The following CSMD1 variants were observed in gnomAD, a reference collection of about 807,000 sequenced individuals.
The protein encoded by CSMD1 is CUB and Sushi multiple domains 1.
In CSMD1, 213 loss-of-function variants were observed where a neutral mutation model predicts 417.5. The observed-to-expected ratio is 0.51, with a 90% CI of 0.46 to 0.57. The LOEUF is 0.57. Ranked by LOEUF, CSMD1 falls within the 20% of genes least tolerant of loss-of-function variation. The pLI is 0.00. For missense variants in CSMD1, 6,923 were observed against 4,529.7 expected, an observed-to-expected ratio of 1.53 and a Z score of -15.17; for synonymous variants, 2,862 against 1,736.8, an observed-to-expected ratio of 1.65 and a Z score of -16.11.
At chr8:3,867,262 C>T (rs922378159) in intron 5 of CSMD1, among the ~76,000 whole-genome samples, 5 of 152,050 alleles carry the variant, frequency 3.3e-5, no homozygotes, top group African/African-American at 1.2e-4. Context: ...AGAAGCAAGA[C>T]CATACCATTA....
intron 1 of CSMD1, among the ~76,000 whole-genome samples, chr8:4,984,043 G>T (rs963733307): frequency 6.6e-6 from 1 of 152,200 alleles, no homozygotes; most frequent in African/African-American, 2.4e-5. Context: ...TTGAAAGTCA[G>T]TTTGGGAGAG....
chr8:2,968,760 A>C (rs185876757), intron 57 of CSMD1, among the ~76,000 whole-genome samples: 5 of 152,178 alleles, frequency 3.3e-5, no homozygotes, highest in African/African-American at 1.2e-4. Context: ...AGAACAATAA[A>C]TTAGAAGAGG....
intron 3 of CSMD1, among the ~76,000 whole-genome samples, chr8:4,223,449 C>G (rs1278835072): frequency 6.6e-6 from 1 of 152,216 alleles, no homozygotes; most frequent in Non-Finnish European, 1.5e-5. Context: ...AGGCTGACTG[C>G]TGGCCCAGAC....
intron 1 of CSMD1, among the ~76,000 whole-genome samples, chr8:4,875,708 A>C (rs1803002311): frequency 6.6e-6 from 1 of 152,182 alleles, no homozygotes. Context: ...CTGAGAAACC[A>C]AGATAAATAC....
intron 7 of CSMD1, among the ~76,000 whole-genome samples, chr8:3,674,276 A>G (rs1799251359): frequency 6.6e-6 from 1 of 152,162 alleles, no homozygotes; most frequent in South Asian, 2.1e-4. Context: ...ATGTTGCTTT[A>G]TTGCAAATTA....
At position 3,387,667 on chromosome 8, in the gene CSMD1, G is replaced by C; in HGVS notation, c.2609C>G (p.Ser870Trp). The part of the protein sequence containing the change: ...LIHYESVTLE[S>W]DSCLDPGIPV... Reference sequence around the variant, plus strand: ...GATGCCCGGGTCCAGGCAGGAATCCGACTCAAGCGTCACACCTGGATGCAC... The same window carrying C: ...GATGCCCGGGTCCAGGCAGGAATCCCACTCAAGCGTCACACCTGGATGCAC... The change falls in exon 18 of 70, where the codon TCG becomes TGG. Residue 870 changes from serine (S) to tryptophan (W), a missense_variant. Transcript: ENST00000635120. 1 of 1,596,330 alleles carries C rather than the reference G, an allele frequency of 6.3e-7. No homozygotes were observed. The highest frequency in any genetic ancestry group is 8.5e-7 in the Non-Finnish European group (1 of 1,171,190).
intron 1 of CSMD1, among the ~76,000 whole-genome samples, chr8:4,689,456 G>C (rs1228022019): frequency 6.6e-6 from 1 of 152,168 alleles, no homozygotes; most frequent in Admixed American, 6.5e-5. Flanking sequence ...ATTTATATTA[G>C]AAGGATTTGT....
chr8:4,134,399 G>C (rs969723175), intron 3 of CSMD1, among the ~76,000 whole-genome samples: 1 of 152,154 alleles, frequency 6.6e-6, no homozygotes, highest in South Asian at 2.1e-4. Flanking sequence ...AAGGCACAAA[G>C]GGATGACCTT....
At chr8:4,063,262 G>C (rs1799074317) in intron 3 of CSMD1, among the ~76,000 whole-genome samples, 1 of 143,534 alleles carries the variant, frequency 7.0e-6, no homozygotes. Context: ...AATATGTACA[G>C]TTATTACATA....
chr8:4,226,786 C>G (rs143233979), intron 3 of CSMD1, among the ~76,000 whole-genome samples: 2 of 152,114 alleles, frequency 1.3e-5, no homozygotes, highest in Admixed American at 1.3e-4. Flanking sequence ...AAAACAAAAA[C>G]TCTGCCCCAT....
At chr8:3,724,562 C>A (rs1015870396) in intron 6 of CSMD1, among the ~76,000 whole-genome samples, 1 of 151,970 alleles carries the variant, frequency 6.6e-6, no homozygotes, top group Non-Finnish European at 1.5e-5. Context: ...ATCTGAGCAC[C>A]CTTCCTCTGG....
intron 7 of CSMD1, among the ~76,000 whole-genome samples, chr8:3,675,891 T>C (rs1181859573): frequency 6.6e-6 from 1 of 152,232 alleles, no homozygotes; most frequent in Non-Finnish European, 1.5e-5. Context: ...GATTCTGTCT[T>C]GCTGAAGTTC....
chr8:4,701,283 C>T lies in CSMD1; in HGVS notation c.86-63725G>A, dbSNP rs527718099. On this transcript the variant is annotated intron_variant, in intron 1 of 69. Transcript: ENST00000635120. ...GCAAATACCAATGATAAGTCAACTTCGAAGGCTGCTTTTGAGCCATCCTTC... is the reference window on the plus strand; with the variant it reads ...GCAAATACCAATGATAAGTCAACTTTGAAGGCTGCTTTTGAGCCATCCTTC... Among the ~76,000 whole-genome samples the T allele has an allele frequency of 2.1e-3, 319 of 150,800 alleles. 3 individuals carry two copies. Among genetic ancestry groups the T allele is most frequent in the South Asian group, 4.0e-3 (19 of 4,740 alleles).
At position 4,393,957 on chromosome 8, in the gene CSMD1, C is replaced by T. The variant is rs546613012; in HGVS notation, c.415+25996G>A. Among the ~76,000 whole-genome samples, 61 of 152,258 alleles carry T rather than the reference C, an allele frequency of 4.0e-4. No homozygotes were observed. In the South Asian group the frequency reaches 6.4e-3, roughly 16 times the overall value. On this transcript the variant is annotated intron_variant, in intron 3 of 69. Transcript: ENST00000635120. ...ATATTGCCTGTGTTTCAGGTATTAA[C>T]GCAGAATATGCCATTTGCCAATTTG... is the stretch of plus-strand genomic sequence containing the variant.
intron 21 of CSMD1, among the ~76,000 whole-genome samples, chr8:3,351,111 C>T (rs1808392343): frequency 6.6e-6 from 1 of 152,126 alleles, no homozygotes; most frequent in African/African-American, 2.4e-5. Context: ...TCTCTCATAA[C>T]CTGAGATGCA....
At chr8:3,498,764 G>C (rs1031151675) in intron 10 of CSMD1, among the ~76,000 whole-genome samples, 3 of 151,818 alleles carry the variant, frequency 2.0e-5, no homozygotes, top group East Asian at 1.9e-4. Flanking sequence ...TTTTCATCTT[G>C]ATCTAGTCTG....
In CSMD1 at chr8:4,269,294, T is replaced by C. The variant is rs573040098; in HGVS notation, c.415+150659A>G. On this transcript the variant is annotated intron_variant, in intron 3 of 69. Transcript: ENST00000635120. ...CTGGTCTTGAACCTCCAACTCTTGATCTCAGGTGATCCACCCGCACTGGCC... is the reference window on the plus strand; with the variant it reads ...CTGGTCTTGAACCTCCAACTCTTGACCTCAGGTGATCCACCCGCACTGGCC... Among the ~76,000 whole-genome samples the C allele has an allele frequency of 6.6e-4, 101 of 152,186 alleles. No homozygotes were observed. In the Middle Eastern group the frequency reaches 0.02, roughly 31 times the overall value.
intron 1 of CSMD1, among the ~76,000 whole-genome samples, chr8:4,900,618 T>C (rs1804804831): frequency 6.6e-6 from 1 of 152,194 alleles, no homozygotes; most frequent in Non-Finnish European, 1.5e-5. Flanking sequence ...TCCAGATTCG[T>C]GCCCCTAGGC....
intron 3 of CSMD1, among the ~76,000 whole-genome samples, chr8:4,102,854 T>C (rs1410890189): frequency 1.3e-5 from 2 of 152,164 alleles, no homozygotes; most frequent in African/African-American, 4.8e-5. Flanking sequence ...AAGGAATCTA[T>C]CCTGAGAACC....
Sources: allele counts gnomAD v4.1 joint callset (sites outside exome capture counted in the v4.1 genomes callset), GRCh38; gene constraint gnomAD v4.1.1; transcripts MANE v1.5; gene names NCBI Gene and HGNC (gene_info 2026-07-23, HGNC 2026-07-21).